Variants in LAMA2 observed in about 807,000 individuals in gnomAD.
LAMA2 encodes laminin subunit alpha 2.
Under a neutral mutation model 364.8 loss-of-function variants are expected in LAMA2, and 269 were observed. That is an observed-to-expected ratio of 0.74 (90% CI 0.67 to 0.82). The LOEUF is 0.82. Ranked by LOEUF, LAMA2 falls within the 40% of genes least tolerant of loss-of-function variation. The pLI is 0.00. For missense variants in LAMA2, 3,807 were observed against 3,873.2 expected (o/e 0.98, Z 0.45); for synonymous variants, 1,379 against 1,370.6 (o/e 1.01, Z -0.14).
intron 1 of LAMA2, among the ~76,000 whole-genome samples, chr6:128,908,546 C>T: frequency 7.0e-6 from 1 of 142,580 alleles, no homozygotes; most frequent in South Asian, 2.4e-4. Context: ...ATTAGTCTTG[C>T]TAGCGGTCTA....
chr6:129,353,211 G>T lies in LAMA2; in HGVS notation c.4571G>T (p.Cys1524Phe). 6.2e-7 allele frequency: 1 copy of T among 1,614,046 alleles called. No individual in the cohort carries two copies. The highest frequency in any genetic ancestry group is 8.5e-7 in the Non-Finnish European group (1 of 1,179,976). The stretch of plus-strand genomic sequence containing the variant: ...AGTCCAGGCAACCCTGGAGGCTCCT[G>T]CCAAGAATGTGAGTGTGATCCCTAT... ...TGSPGNPGGS[C>F]QECECDPYGS... Residue 1524 changes from cysteine (C) to phenylalanine (F), a missense_variant, in exon 32 of 65, where the codon TGC becomes TTC. Physicochemically the swap from Cys to Phe is radical, Grantham distance 205. Coordinates refer to ENST00000421865, the MANE Select transcript of LAMA2 (RefSeq NM_000426.4).
chr6:129,146,920 T>C (rs762456991), intron 5 of LAMA2, 39 bp from the exon 6 acceptor site: 22 of 1,251,200 alleles, frequency 1.8e-5, no homozygotes, highest in Non-Finnish European at 2.6e-5. Context: ...GACCTTGCAG[T>C]CATCTTAACA....
intron 51 of LAMA2, among the ~76,000 whole-genome samples, chr6:129,470,811 A>G (rs1251712325): frequency 6.6e-6 from 1 of 151,830 alleles, no homozygotes; most frequent in African/African-American, 2.4e-5. Flanking sequence ...TTTGTTTTAT[A>G]TGAATTATTC....
chr6:129,376,175 A>G (rs1778364814), intron 34 of LAMA2, among the ~76,000 whole-genome samples: 1 of 152,002 alleles, frequency 6.6e-6, no homozygotes, highest in Admixed American at 6.6e-5. Flanking sequence ...ATCTCTCCCC[A>G]CTACTCATGG....
At chr6:129,176,641 T>C (rs1780611170) in intron 9 of LAMA2, among the ~76,000 whole-genome samples, 1 of 152,170 alleles carries the variant, frequency 6.6e-6, no homozygotes, top group Non-Finnish European at 1.5e-5. Flanking sequence ...GTTTTTATTA[T>C]ATTTTTATCA....
chr6:129,271,130 G>T (rs568278361), intron 17 of LAMA2, among the ~76,000 whole-genome samples: 1 of 152,040 alleles, frequency 6.6e-6, no homozygotes, highest in African/African-American at 2.4e-5. Flanking sequence ...AGCTAATTTG[G>T]GTTCTACCCA....
At chr6:129,469,949 C>T (rs141688084) in intron 51 of LAMA2, among the ~76,000 whole-genome samples, 6 of 151,548 alleles carry the variant, frequency 4.0e-5, no homozygotes, top group African/African-American at 9.7e-5. Context: ...GGTATATGTA[C>T]GAAAAGGCAA....
intron 29 of LAMA2, among the ~76,000 whole-genome samples, chr6:129,330,592 G>GTTTTTTT (rs1406358715): frequency 7.6e-5 from 6 of 78,528 alleles, no homozygotes; most frequent in African/African-American, 1.0e-4. Flanking sequence ...TTGTTGTTTG[G>GTTTTTTT]TTTTTGTTTT....
chr6:129,505,108 C>G, intron 60 of LAMA2, 92 bp from the exon 61 acceptor site: 2 of 1,147,806 alleles, frequency 1.7e-6, no homozygotes, highest in Non-Finnish European at 2.6e-6. Flanking sequence ...TTCAATTTTT[C>G]TTGGTAACAT....
At chr6:129,296,295 G>T (rs1450486766) in intron 20 of LAMA2, among the ~76,000 whole-genome samples, 1 of 151,660 alleles carries the variant, frequency 6.6e-6, no homozygotes, top group Non-Finnish European at 1.5e-5. Flanking sequence ...AATTTTACAT[G>T]AATTTCTTTT....
At position 129,475,550 on chromosome 6, in the gene LAMA2, G is replaced by A. The variant is rs1784027976; in HGVS notation, c.7451+149G>A. 5.1e-6 allele frequency: 3 copies of A among 589,274 alleles called. No individual in the cohort carries two copies. The African/African-American group carries it at 5.7e-5, about 11-fold the overall frequency. The allele number at this position is 589,274 out of a possible 1,614,324, so 36.5% of individuals were successfully genotyped here. A position where few individuals can be genotyped will look rare whatever the true frequency, so the allele number is the denominator to read the frequency against. On this transcript the variant is annotated intron_variant, in intron 53 of 64. Transcript: ENST00000421865. ...CGAGCAAGCCGTGCATTCTGTGAGAGTTCTCCTGCTGCCCCTTGCTGGCCG... is the reference window on the plus strand; with the variant it reads ...CGAGCAAGCCGTGCATTCTGTGAGAATTCTCCTGCTGCCCCTTGCTGGCCG...
intron 35 of LAMA2, among the ~76,000 whole-genome samples, chr6:129,388,935 G>A (rs762524838): frequency 6.6e-6 from 1 of 152,150 alleles, no homozygotes; most frequent in South Asian, 2.1e-4. Flanking sequence ...GAAGCAGAAA[G>A]CTTCTTACAT....
intron 32 of LAMA2, among the ~76,000 whole-genome samples, chr6:129,362,605 C>T (rs566800209): frequency 6.6e-6 from 1 of 152,240 alleles, no homozygotes; most frequent in African/African-American, 2.4e-5. Flanking sequence ...TGTACAAGAC[C>T]CTTTCCTAGG....
chr6:129,221,585 G>T (rs1021030416), intron 12 of LAMA2, among the ~76,000 whole-genome samples: 2 of 151,826 alleles, frequency 1.3e-5, no homozygotes, highest in East Asian at 1.9e-4. Context: ...CAATTTATTG[G>T]CAATAATTAA....
intron 1 of LAMA2, among the ~76,000 whole-genome samples, chr6:129,047,319 C>T (rs114774727): frequency 0.015 from 2,343 of 152,180 alleles, 75 homozygotes; most frequent in African/African-American, 0.054. Context: ...ATTAGCTTTC[C>T]TTATGTCACA....
At chr6:129,331,046 T>TCTC (rs1396135292) in intron 29 of LAMA2, among the ~76,000 whole-genome samples, 2 of 152,130 alleles carry the variant, frequency 1.3e-5, no homozygotes, top group Non-Finnish European at 2.9e-5. Flanking sequence ...TTTTTTTGTA[T>TCTC]TTTTAATAGA....
intron 12 of LAMA2, among the ~76,000 whole-genome samples, chr6:129,231,603 G>A (rs1208905707): frequency 2.0e-5 from 3 of 151,968 alleles, no homozygotes; most frequent in Non-Finnish European, 2.9e-5. Context: ...AATTGTTCTA[G>A]GCTGCTAAGG....
chr6:129,314,637 T>A lies in LAMA2; in HGVS notation c.3412-18T>A. On this transcript the variant is annotated intron_variant, in intron 23 of 64. Coordinates refer to ENST00000421865, the MANE Select transcript of LAMA2 (RefSeq NM_000426.4). ...ACTTTGCCGTTATAAACTCTGAGGG[T>A]CTCTTGTCTTTCCTCAGGTGAATGT... 1 of 1,612,654 alleles carries A rather than the reference T, an allele frequency of 6.2e-7. No homozygotes were observed. Among genetic ancestry groups the A allele is most frequent in the Non-Finnish European group, 8.5e-7 (1 of 1,179,664 alleles).
At chr6:129,147,980 G>T (rs954346631) in intron 6 of LAMA2, among the ~76,000 whole-genome samples, 31 of 151,874 alleles carry the variant, frequency 2.0e-4, no homozygotes, top group Non-Finnish European at 8.8e-5. Context: ...CAACATGCAG[G>T]TTTGTTACAT....
Sources: allele counts gnomAD v4.1 joint callset (sites outside exome capture counted in the v4.1 genomes callset), GRCh38; gene constraint gnomAD v4.1.1; transcripts MANE v1.5; gene names NCBI Gene and HGNC (gene_info 2026-07-23, HGNC 2026-07-21).